KIF16B: variants seen among roughly 807,000 people sequenced by gnomAD.
The protein encoded by KIF16B is kinesin family member 16B, also known as kinesin-like protein KIF16B.
KIF16B carries 98 observed loss-of-function variants against 156.3 expected under a neutral mutation model. The observed-to-expected ratio is 0.63, with a 90% confidence interval of 0.53 to 0.74. KIF16B has a LOEUF of 0.74. Ranked by LOEUF, KIF16B falls within the 30% of genes least tolerant of loss-of-function variation. KIF16B has a pLI of 0.00. For missense variants in KIF16B, 1,421 were observed against 1,606.5 expected (o/e 0.88, Z 1.97); for synonymous variants, 564 against 583.7 (o/e 0.97, Z 0.49).
At chr20:16,497,316 A>C (rs1261326089) in intron 11 of KIF16B, among the ~76,000 whole-genome samples, 1 of 152,224 alleles carries the variant, frequency 6.6e-6, no homozygotes, top group Admixed American at 6.5e-5. Context: ...ACTCCCTCAA[A>C]CAGGGACTCC....
chr20:16,515,914 A>G (rs1324581567), intron 3 of KIF16B, among the ~76,000 whole-genome samples: 1 of 152,256 alleles, frequency 6.6e-6, no homozygotes, highest in Non-Finnish European at 1.5e-5. Context: ...AATATCATGA[A>G]GTATAAAAAT....
intron 25 of KIF16B, among the ~76,000 whole-genome samples, chr20:16,311,155 A>T (rs762730650): frequency 1.3e-5 from 2 of 152,186 alleles, no homozygotes; most frequent in African/African-American, 2.4e-5. Context: ...TCCTTATTTG[A>T]CTTTATTTCC....
intron 1 of KIF16B, among the ~76,000 whole-genome samples, chr20:16,572,720 G>A (rs1470327188): frequency 6.6e-6 from 1 of 152,198 alleles, no homozygotes; most frequent in Non-Finnish European, 1.5e-5. Context: ...CTTTGTCAAA[G>A]TTTTCCCATC....
At chr20:16,391,096 TG>T (rs780453192) in intron 17 of KIF16B, among the ~76,000 whole-genome samples, 118 of 151,826 alleles carry the variant, frequency 7.8e-4, no homozygotes, top group Non-Finnish European at 1.3e-3. Context: ...ATAGTGTGGG[TG>T]GGGGAAGATC....
chr20:16,557,598 A>G (rs915342702), intron 1 of KIF16B, among the ~76,000 whole-genome samples: 1 of 152,204 alleles, frequency 6.6e-6, no homozygotes, highest in Admixed American at 6.5e-5. Flanking sequence ...TGAGGCTCAG[A>G]GAAGTACAAT....
At chr20:16,417,314 G>A (rs1481166470) in intron 15 of KIF16B, among the ~76,000 whole-genome samples, 1 of 152,140 alleles carries the variant, frequency 6.6e-6, no homozygotes, top group African/African-American at 2.4e-5. Flanking sequence ...TGGCCAACGG[G>A]TAGTACACCC....
At chr20:16,481,235 C>T (rs1238699114) in intron 12 of KIF16B, among the ~76,000 whole-genome samples, 2 of 151,820 alleles carry the variant, frequency 1.3e-5, no homozygotes, top group African/African-American at 4.9e-5. Flanking sequence ...CTCACTCTGT[C>T]GCCCTGGCTG....
intron 24 of KIF16B, among the ~76,000 whole-genome samples, chr20:16,319,955 A>G (rs913527138): frequency 6.6e-6 from 1 of 152,214 alleles, no homozygotes; most frequent in Non-Finnish European, 1.5e-5. Flanking sequence ...CTAACCGACC[A>G]GGGCTAAATG....
At chr20:16,566,537 C>T (rs768256678) in intron 1 of KIF16B, among the ~76,000 whole-genome samples, 4 of 152,182 alleles carry the variant, frequency 2.6e-5, no homozygotes, top group Admixed American at 1.3e-4. Flanking sequence ...ATTTACAGAA[C>T]GCTTACTTTT....
intron 15 of KIF16B, among the ~76,000 whole-genome samples, chr20:16,417,486 G>C (rs765779229): frequency 6.6e-6 from 1 of 152,084 alleles, no homozygotes; most frequent in Admixed American, 6.6e-5. Flanking sequence ...ATTTAAACAA[G>C]ACCCAGGATC....
At chr20:16,561,953 C>CGGATT (rs2071079114) in intron 1 of KIF16B, among the ~76,000 whole-genome samples, 1 of 152,182 alleles carries the variant, frequency 6.6e-6, no homozygotes, top group Middle Eastern at 3.4e-3. Context: ...TGTGGGATCC[C>CGGATT]GGATTGGATG....
rs376260842 is a variant in KIF16B at position 16,506,126 on chromosome 20, C to T, written c.764G>A (p.Gly255Glu). 1 of 1,614,110 alleles carries T rather than the reference C, an allele frequency of 6.2e-7. No homozygotes were observed. Among genetic ancestry groups the T allele is most frequent in the Middle Eastern group, 1.6e-4 (1 of 6,062 alleles). Reference protein sequence around the residue: ...VSKIHLVDLAGSERADATGAT... With the variant: ...VSKIHLVDLAESERADATGAT... ...TCCGGTGGCATCTGCACGCTCACTT[C>T]CGGCAAGATCAACCAAGTGGATCTT... is the stretch of plus-strand genomic sequence containing the variant. The change falls in exon 8 of 26, where the codon GGA (glycine) becomes GAA (glutamate). Residue 255 changes from glycine (G) to glutamate (E), a missense_variant. Physicochemically the swap from Gly to Glu is moderately conservative, Grantham distance 98. Transcript: ENST00000354981.
rs369089248 is a variant in KIF16B, at chr20:16,525,275, T to A, written c.231+817A>T. On this transcript the variant is annotated intron_variant, in intron 3 of 25. Transcript: ENST00000354981. ...CCCAGGCCAGGCAGGACAGGAATTC[T>A]TATCCCCGTTTTAACATATGGAGAC... Among the ~76,000 whole-genome samples, 16 of 152,332 alleles carry A rather than the reference T, an allele frequency of 1.1e-4. No homozygotes were observed. The East Asian group carries it at 2.7e-3, about 26-fold the overall frequency.
At chr20:16,392,049 C>G (rs1301639911) in intron 17 of KIF16B, among the ~76,000 whole-genome samples, 1 of 152,146 alleles carries the variant, frequency 6.6e-6, no homozygotes, top group Non-Finnish European at 1.5e-5. Flanking sequence ...ACTTTTAATA[C>G]CCTGCATGCT....
At chr20:16,512,726 G>C (rs556121264) in intron 5 of KIF16B, 100 bp downstream of exon 5, 1 of 707,280 alleles carries the variant, frequency 1.4e-6, no homozygotes, top group East Asian at 2.5e-5. Context: ...TTTTTCTTTA[G>C]GAATCTAAAG....
chr20:16,394,714 C>T (rs1386868861), intron 17 of KIF16B, among the ~76,000 whole-genome samples: 1 of 151,992 alleles, frequency 6.6e-6, no homozygotes, highest in Non-Finnish European at 1.5e-5. Context: ...AAAGTCCATG[C>T]TCAAGGTGAG....
At chr20:16,337,007 A>G (rs2064050586) in intron 23 of KIF16B, among the ~76,000 whole-genome samples, 1 of 152,160 alleles carries the variant, frequency 6.6e-6, no homozygotes, top group Non-Finnish European at 1.5e-5. Flanking sequence ...TTAGAACTCA[A>G]ATCTAACCAT....
intron 22 of KIF16B, 106 bp downstream of exon 22, chr20:16,370,480 C>T (rs75408690): frequency 4.6e-5 from 39 of 846,344 alleles, no homozygotes; most frequent in Middle Eastern, 4.6e-4. Flanking sequence ...TTAATCTTGC[C>T]GGGACCTCAA....
At chr20:16,280,941 C>A (rs1277961044) in intron 25 of KIF16B, among the ~76,000 whole-genome samples, 2 of 152,038 alleles carry the variant, frequency 1.3e-5, no homozygotes, top group African/African-American at 4.8e-5. Flanking sequence ...TATCTGCTGG[C>A]TCTCTGCCTT....
Sources: gnomAD v4.1 joint callset for allele counts (sites outside exome capture counted in the v4.1 genomes callset) on GRCh38, gnomAD v4.1.1 for gene constraint, MANE v1.5 for transcripts, NCBI Gene and HGNC (gene_info 2026-07-23, HGNC 2026-07-21) for gene names.